The following SPINDOC variants were observed in gnomAD, a reference collection of about 807,000 sequenced individuals.
SPINDOC encodes spindlin interactor and repressor of chromatin-binding protein.
In SPINDOC, 13 loss-of-function variants were observed where a neutral mutation model predicts 30.7. That is an observed-to-expected ratio of 0.42 (90% CI 0.28 to 0.67). SPINDOC has a LOEUF of 0.67. Among genes scored for constraint, SPINDOC ranks in the 30% least tolerant of loss-of-function variants. SPINDOC has a pLI of 0.22. For synonymous variants in SPINDOC, 228 were observed against 211.4 expected (o/e 1.08, Z -0.68); for missense variants, 438 against 518.0 (o/e 0.85, Z 1.50).
rs2015686913 is a variant in SPINDOC, at chr11:63,827,595, TCCCACC to T, written c.*459_*464del. The T allele has an allele frequency of 4.8e-6, 1 of 207,116 alleles. No individual in the cohort carries two copies. The highest frequency in any genetic ancestry group is 1.1e-4 in the East Asian group (1 of 9,076). The allele number at this position is 207,116 out of a possible 1,614,324, so 12.8% of individuals were successfully genotyped here. On this transcript the variant is annotated 3_prime_UTR_variant, in exon 6 of 6. Coordinates refer to ENST00000294244, the MANE Select transcript of SPINDOC (RefSeq NM_138471.3). ...AGGAGGCCTCCATTACCTCTTCCTG[TCCCACC>T]CCTGCAGAGGCCTGAAGCTGGGCCT...
chr11:63,824,390 T>A (rs2015602522), intron 5 of SPINDOC, among the ~76,000 whole-genome samples: 2 of 152,176 alleles, frequency 1.3e-5, no homozygotes, highest in Non-Finnish European at 2.9e-5. Flanking sequence ...GAACACGTCG[T>A]ATCATTGTCT....
Position 63,818,627 on chromosome 11 carries a change from G to T in SPINDOC, c.708G>T (p.Met236Ile). 1 of 1,613,776 alleles carries T rather than the reference G, an allele frequency of 6.2e-7. No homozygotes were observed. The highest frequency in any genetic ancestry group is 1.1e-5 in the South Asian group (1 of 91,062). Residue 236 changes from methionine to isoleucine, a missense_variant, in exon 4 of 6, where the codon ATG becomes ATT. Around this residue, in one of 3 missense-constraint regions of SPINDOC, gnomAD observed 300 missense variants for 332.8 expected, o/e 0.90. Transcript: ENST00000294244. This position sits in a 1 kb window ranked among gnomAD's most constrained non-coding sequence, Gnocchi z 5.3. ...EPVRKKRGRPMTKNLDPDPEP... is the reference protein window; with the variant it reads ...EPVRKKRGRPITKNLDPDPEP... ...TCAGAAAGAAAAGAGGCAGACCTAT[G>T]ACCAAAAACCTGGACCCTGACCCAG...
At chr11:63,824,198 C>T (rs953265987) in intron 5 of SPINDOC, among the ~76,000 whole-genome samples, 1 of 152,234 alleles carries the variant, frequency 6.6e-6, no homozygotes, top group Non-Finnish European at 1.5e-5. Context: ...GCATGAGCCA[C>T]TGCACCTGGC....
In SPINDOC at chr11:63,817,801, G is replaced by T. The variant is rs369687358; in HGVS notation, c.128-4G>T. 2.9e-5 allele frequency: 45 copies of T among 1,564,250 alleles called. No homozygotes were observed. Among genetic ancestry groups the T allele is most frequent in the Non-Finnish European group, 3.7e-5 (43 of 1,153,972 alleles). ...GATAACACCCTCCCCCTCTCCCCTCGCAGTGACCCAACAGGAGAAGACCCC... is the reference window on the plus strand; with the variant it reads ...GATAACACCCTCCCCCTCTCCCCTCTCAGTGACCCAACAGGAGAAGACCCC... On this transcript the variant is annotated splice_region_variant and splice_polypyrimidine_tract_variant and intron_variant, in intron 1 of 5. Coordinates refer to ENST00000294244, the MANE Select transcript of SPINDOC (RefSeq NM_138471.3).
intron 5 of SPINDOC, among the ~76,000 whole-genome samples, chr11:63,826,294 C>T (rs1158469432): frequency 3.3e-5 from 5 of 152,108 alleles, no homozygotes; most frequent in East Asian, 1.9e-4. Flanking sequence ...TATGGCTGCA[C>T]GCAGCCACGG....
At chr11:63,816,634 T>A (rs1299885931) in intron 1 of SPINDOC, among the ~76,000 whole-genome samples, 6 of 152,152 alleles carry the variant, frequency 3.9e-5, no homozygotes, top group Non-Finnish European at 8.8e-5. Flanking sequence ...CCATCCTCTC[T>A]GGAAGGTAGG....
chr11:63,819,776 C>T (rs502529), intron 5 of SPINDOC, among the ~76,000 whole-genome samples: 57,842 of 152,152 alleles, frequency 0.38, 13,207 homozygotes, highest in East Asian at 0.71. Flanking sequence ...GGATTACAGG[C>T]GTGAGCCACC....
chr11:63,817,261 G>A (rs759358585), intron 1 of SPINDOC, among the ~76,000 whole-genome samples: 17 of 152,076 alleles, frequency 1.1e-4, no homozygotes, highest in East Asian at 1.9e-4. Flanking sequence ...CAGGAGGATC[G>A]CTTGAACCCA....
At position 63,818,989 on chromosome 11, in the gene SPINDOC, G is replaced by A; in HGVS notation, c.921G>A (p.Glu307=). The change falls in exon 5 of 6, where the codon GAG becomes GAA. Residue 307 remains glutamate (E), a synonymous_variant. Coordinates refer to ENST00000294244, the MANE Select transcript of SPINDOC (RefSeq NM_138471.3). The surrounding 1 kb of genome is among the most constrained non-coding windows in gnomAD (Gnocchi z 5.3). ...CAGAAGGAGGCCTTCCCCGGGCGGA[G>A]AGCCCCTCTCCAGGTGAGCCCTCCT... The part of the protein sequence containing the change: ...EVAEGGLPRA[E]SPSPAPPPGL... 1 of 1,613,680 alleles carries A rather than the reference G, an allele frequency of 6.2e-7. No individual in the cohort carries two copies. Among genetic ancestry groups the A allele is most frequent in the Non-Finnish European group, 8.5e-7 (1 of 1,180,022 alleles).
intron 1 of SPINDOC, 86 bp from the exon 2 acceptor site, chr11:63,817,719 C>G (rs373704641): frequency 7.9e-7 from 1 of 1,271,574 alleles, no homozygotes; most frequent in African/African-American, 1.5e-5. Flanking sequence ...CCCCATCCCA[C>G]TCAAACCACT....
At position 63,827,388 on chromosome 11, in the gene SPINDOC, C is replaced by A; in HGVS notation, c.*249C>A. The stretch of plus-strand genomic sequence containing the variant: ...CACTGGGCCTGTGGAGAACACCTAC[C>A]CCAGTCCTTCGCTGACCCCCACCTC... On this transcript the variant is annotated 3_prime_UTR_variant, in exon 6 of 6. Coordinates refer to ENST00000294244, the MANE Select transcript of SPINDOC (RefSeq NM_138471.3). The A allele has an allele frequency of 1.7e-6, 1 of 599,836 alleles. No individual in the cohort carries two copies. Among genetic ancestry groups the A allele is most frequent in the African/African-American group, 1.8e-5 (1 of 54,260 alleles). 37.2% of individuals were successfully genotyped at this position (599,836 alleles called of 1,614,324 possible).
At chr11:63,814,255 G>A (rs2015278515) in intron 1 of SPINDOC, among the ~76,000 whole-genome samples, 1 of 152,232 alleles carries the variant, frequency 6.6e-6, no homozygotes, top group Non-Finnish European at 1.5e-5. Context: ...GGCTACAGGC[G>A]GGCGCCGCTG....
Position 63,818,660 on chromosome 11 carries a change from G to A in SPINDOC, c.733+8G>A. The A allele has an allele frequency of 6.2e-7, 1 of 1,613,452 alleles. No homozygotes were observed. The highest frequency in any genetic ancestry group is 1.1e-5 in the South Asian group (1 of 91,072). Reference sequence around the variant, plus strand: ...ACCTGGACCCTGACCCAGGTGAAGGGGAGGCCCGGGGGAGGCGTGGGCTCT... The same window carrying A: ...ACCTGGACCCTGACCCAGGTGAAGGAGAGGCCCGGGGGAGGCGTGGGCTCT... On this transcript the variant is annotated splice_region_variant and intron_variant, in intron 4 of 5. Transcript: ENST00000294244. This position sits in a 1 kb window ranked among gnomAD's most constrained non-coding sequence, Gnocchi z 5.3.
chr11:63,816,889 C>T (rs188295150), intron 1 of SPINDOC, among the ~76,000 whole-genome samples: 9 of 152,264 alleles, frequency 5.9e-5, no homozygotes, highest in Admixed American at 3.3e-4. Context: ...GCCTTTAGAA[C>T]GGGCATGGTG....
Position 63,827,521 on chromosome 11 carries a change from A to C in SPINDOC, c.*382A>C, listed in dbSNP as rs937696336. 4.1e-6 allele frequency: 1 copy of C among 243,512 alleles called. No individual in the cohort carries two copies. Among genetic ancestry groups the C allele is most frequent in the African/African-American group, 2.4e-5 (1 of 41,724 alleles). The allele number at this position is 243,512 out of a possible 1,614,324, so 15.1% of individuals were successfully genotyped here. On this transcript the variant is annotated 3_prime_UTR_variant, in exon 6 of 6. Coordinates refer to ENST00000294244, the MANE Select transcript of SPINDOC (RefSeq NM_138471.3). The stretch of plus-strand genomic sequence containing the variant: ...CATAAGGGGGTTTGAACTGAGTCCC[A>C]CTACCTCGGGGGACACCTCTCCTCC...
At chr11:63,816,863 C>G (rs2015354359) in intron 1 of SPINDOC, among the ~76,000 whole-genome samples, 1 of 152,134 alleles carries the variant, frequency 6.6e-6, no homozygotes, top group Non-Finnish European at 1.5e-5. Flanking sequence ...GAGGCGAGTT[C>G]TGAGGGGATG....
chr11:63,825,253 C>T lies in SPINDOC; in HGVS notation c.935-1675C>T, dbSNP rs140933711. Among the ~76,000 whole-genome samples the T allele has an allele frequency of 3.0e-4, 45 of 152,304 alleles. No homozygotes were observed. The East Asian group carries it at 5.4e-3, about 18-fold the overall frequency. On this transcript the variant is annotated intron_variant, in intron 5 of 5. Coordinates refer to ENST00000294244, the MANE Select transcript of SPINDOC (RefSeq NM_138471.3). ...CCCACAGGCTCCTGACCTCTCCCCC[C>T]ACATCCCGCTCCCCGCACAGGCACT...
In SPINDOC at chr11:63,818,502, GGTA is replaced by G; in HGVS notation, c.608-24_608-22del. 6.2e-7 allele frequency: 1 copy of G among 1,609,892 alleles called. No homozygotes were observed. Among genetic ancestry groups the G allele is most frequent in the Non-Finnish European group, 8.5e-7 (1 of 1,179,738 alleles). On this transcript the variant is annotated intron_variant, in intron 3 of 5. Transcript: ENST00000294244. This position sits in a 1 kb window ranked among gnomAD's most constrained non-coding sequence, Gnocchi z 5.3. ...GGTTCGGGGATGGCCTCTTTAAAAG[GGTA>G]TGAGGTCTTTTCTTTTTGCAGCTGT...
intron 5 of SPINDOC, among the ~76,000 whole-genome samples, chr11:63,820,877 G>A (rs992731815): frequency 1.1e-4 from 11 of 97,664 alleles, no homozygotes; most frequent in African/African-American, 2.1e-4. Flanking sequence ...GCGACAGAGC[G>A]AAACTCCGTC....
Sources: gnomAD v4.1 joint callset for allele counts (sites outside exome capture counted in the v4.1 genomes callset) on GRCh38, gnomAD v4.1.1 for gene constraint, gnomAD v4.1.1 regional missense constraint, Gnocchi (gnomAD v3.1) non-coding constraint, MANE v1.5 for transcripts, NCBI Gene and HGNC (gene_info 2026-07-23, HGNC 2026-07-21) for gene names.